Variants in USP14 observed in about 807,000 individuals in gnomAD.
The protein encoded by USP14 is ubiquitin specific peptidase 14.
In USP14, 38 loss-of-function variants were observed where a neutral mutation model predicts 76.5. That is an observed-to-expected ratio of 0.50 (90% CI 0.38 to 0.65). USP14 has a LOEUF of 0.65. USP14 is among the 30% of genes least tolerant of loss of function. The pLI, the probability that USP14 is intolerant of heterozygous loss-of-function variation, is 0.00. For missense variants in USP14, 467 were observed against 586.5 expected (o/e 0.80, Z 2.10); for synonymous variants, 192 against 191.7 (o/e 1.00, Z -0.01).
intron 6 of USP14, among the ~76,000 whole-genome samples, chr18:196,178 G>A (rs1193708423): frequency 6.6e-6 from 1 of 151,622 alleles, no homozygotes; most frequent in Non-Finnish European, 1.5e-5. Flanking sequence ...GCAAAAATTA[G>A]CCAGGCATGG....
chr18:170,291 G>A (rs1228198942), intron 3 of USP14, among the ~76,000 whole-genome samples: 1 of 152,060 alleles, frequency 6.6e-6, no homozygotes, highest in East Asian at 1.9e-4. Flanking sequence ...CCAACAGAGC[G>A]AGACTCTGTC....
intron 13 of USP14, among the ~76,000 whole-genome samples, chr18:209,495 G>C (rs1910614235): frequency 6.6e-6 from 1 of 152,210 alleles, no homozygotes; most frequent in African/African-American, 2.4e-5. Context: ...GTAAGTCTTT[G>C]CTGAAAAATA....
At chr18:199,395 T>C in intron 10 of USP14, 79 bp downstream of exon 10, 1 of 993,588 alleles carries the variant, frequency 1.0e-6, no homozygotes. Context: ...TTCACTGGGC[T>C]TTAATGGTCA....
chr18:190,028 G>T (rs1291190289), intron 5 of USP14, among the ~76,000 whole-genome samples: 2 of 152,140 alleles, frequency 1.3e-5, no homozygotes, highest in Non-Finnish European at 2.9e-5. Context: ...GAACAGAAAT[G>T]TACAAATTGG....
chr18:158,910 C>T, intron 1 of USP14, 196 bp downstream of exon 1: 1 of 871,162 alleles, frequency 1.1e-6, no homozygotes, highest in Non-Finnish European at 1.5e-6. Context: ...CAGGGGAGCG[C>T]CGTCCCCCTG....
chr18:164,221 C>T (rs1213683596), intron 2 of USP14, among the ~76,000 whole-genome samples: 1 of 151,756 alleles, frequency 6.6e-6, no homozygotes, highest in African/African-American at 2.4e-5. Context: ...TTAATATTTC[C>T]TTAGTAATTT....
Position 211,333 on chromosome 18 carries a change from T to C in USP14, c.*49T>C. On this transcript the variant is annotated 3_prime_UTR_variant, in exon 16 of 16. Coordinates refer to ENST00000261601, the MANE Select transcript of USP14 (RefSeq NM_005151.4). The stretch of plus-strand genomic sequence containing the variant: ...AGATGTGAAAATAAATGTTATTTGT[T>C]GATCATTTCTATAATCCAGAGCTTT... 3 of 1,555,574 alleles carry C rather than the reference T, an allele frequency of 1.9e-6. No homozygotes were observed. The South Asian group carries it at 3.6e-5, about 19-fold the overall frequency.
intron 5 of USP14, 67 bp from the exon 6 acceptor site, chr18:192,775 G>T: frequency 1.3e-6 from 2 of 1,507,912 alleles, no homozygotes; most frequent in South Asian, 1.2e-5. Flanking sequence ...CTTTTAACTG[G>T]TTTCTTCCCA....
intron 6 of USP14, among the ~76,000 whole-genome samples, chr18:195,451 A>G (rs954795459): frequency 1.3e-5 from 2 of 152,196 alleles, no homozygotes; most frequent in Non-Finnish European, 1.5e-5. Flanking sequence ...AATAAAACAT[A>G]CAAGTTGAGA....
chr18:181,628 T>C (rs1177927895), intron 5 of USP14, among the ~76,000 whole-genome samples: 2 of 152,218 alleles, frequency 1.3e-5, no homozygotes, highest in Non-Finnish European at 2.9e-5. Flanking sequence ...GTCATTTTAC[T>C]TTCTTTTTTA....
chr18:164,495 C>T (rs1909212710), intron 2 of USP14, among the ~76,000 whole-genome samples: 1 of 151,812 alleles, frequency 6.6e-6, no homozygotes, highest in Non-Finnish European at 1.5e-5. Context: ...GCCCTGTTGC[C>T]CATGCTGGAG....
At position 212,669 on chromosome 18, in the gene USP14, A is replaced by G. The variant is rs1398121910; in HGVS notation, c.*1385A>G. 2 of 152,178 alleles carry G rather than the reference A, an allele frequency of 1.3e-5. No homozygotes were observed. The highest frequency in any genetic ancestry group is 2.9e-5 in the Non-Finnish European group (2 of 68,030). 9.4% of individuals were successfully genotyped at this position (152,178 alleles called of 1,614,324 possible). A position where few individuals can be genotyped will look rare whatever the true frequency, so the allele number is the denominator to read the frequency against. ...AGAATTTTAGTGATTTTAAAGTGATAGTAGAAAATACCAAGCATATGAGGT... is the reference window on the plus strand; with the variant it reads ...AGAATTTTAGTGATTTTAAAGTGATGGTAGAAAATACCAAGCATATGAGGT... On this transcript the variant is annotated 3_prime_UTR_variant, in exon 16 of 16. Coordinates refer to ENST00000261601, the MANE Select transcript of USP14 (RefSeq NM_005151.4).
At chr18:180,209 T>G in intron 4 of USP14, 27 bp from the exon 5 acceptor site, 1 of 1,245,488 alleles carries the variant, frequency 8.0e-7, no homozygotes, top group African/African-American at 1.6e-5. Context: ...AATGATTTAA[T>G]CCTTTTTTTT....
intron 12 of USP14, 100 bp from the exon 13 acceptor site, chr18:204,464 C>G (rs1222588460): frequency 9.4e-7 from 1 of 1,059,906 alleles, no homozygotes; most frequent in Non-Finnish European, 1.3e-6. Context: ...TTATTTTCAA[C>G]TGTATCTGAA....
intron 5 of USP14, 147 bp from the exon 6 acceptor site, chr18:192,695 C>G: frequency 1.7e-6 from 1 of 600,230 alleles, no homozygotes; most frequent in Non-Finnish European, 2.8e-6. Context: ...TCATGCAAGA[C>G]CAGAAGAGAA....
intron 3 of USP14, 84 bp downstream of exon 3, chr18:166,903 G>A: frequency 8.1e-7 from 1 of 1,234,196 alleles, no homozygotes; most frequent in Non-Finnish European, 1.2e-6. Context: ...TTTTTTTCAT[G>A]TGTATATCCA....
At position 214,486 on chromosome 18, in the gene USP14, ATTG is replaced by A; in HGVS notation, c.*3205_*3207del. The A allele has an allele frequency of 1.4e-6, 1 of 713,778 alleles. No individual in the cohort carries two copies. Among genetic ancestry groups the A allele is most frequent in the Non-Finnish European group, 2.3e-6 (1 of 442,340 alleles). The allele number at this position is 713,778 out of a possible 1,614,324, so 44.2% of individuals were successfully genotyped here. The stretch of plus-strand genomic sequence containing the variant: ...TCTGGTTTGAGCCAATATGTGTTCT[ATTG>A]TTCTCAGAGCACCAGCCGACTGTAC... On this transcript the variant is annotated 3_prime_UTR_variant, in exon 16 of 16. Transcript: ENST00000261601.
intron 1 of USP14, 22 bp downstream of exon 1, chr18:158,736 C>T: frequency 1.3e-6 from 2 of 1,495,274 alleles, no homozygotes; most frequent in South Asian, 2.5e-5. Flanking sequence ...CCTGGCCTCG[C>T]GCGCAGCACA....
Position 182,950 on chromosome 18 carries a change from G to A in USP14, c.404+2611G>A, listed in dbSNP as rs145665533. On this transcript the variant is annotated intron_variant, in intron 5 of 15. Transcript: ENST00000261601. ...CGTTTTTAAGAAGTGTGGACTTCGT[G>A]TTGTGGGCGAAGAGAAACCATTGGA... Among the ~76,000 whole-genome samples, 12 of 152,326 alleles carry A rather than the reference G, an allele frequency of 7.9e-5. No individual in the cohort carries two copies. The East Asian group carries it at 2.3e-3, about 29-fold the overall frequency.
Sources: allele counts gnomAD v4.1 joint callset (sites outside exome capture counted in the v4.1 genomes callset), GRCh38; gene constraint gnomAD v4.1.1; transcripts MANE v1.5; gene names NCBI Gene and HGNC (gene_info 2026-07-23, HGNC 2026-07-21).